Variants in TTC39C observed in about 807,000 individuals in gnomAD.
TTC39C encodes the protein tetratricopeptide repeat domain 39C.
In TTC39C, 33 loss-of-function variants were observed where a neutral mutation model predicts 76.3. That is an observed-to-expected ratio of 0.43 (90% CI 0.33 to 0.58). The LOEUF (loss-of-function observed/expected upper bound fraction) is 0.58, where lower values mean the gene tolerates loss of function less well. Ranked by LOEUF, TTC39C falls within the 20% of genes least tolerant of loss-of-function variation. The pLI, the probability that TTC39C is intolerant of heterozygous loss-of-function variation, is 0.04. For missense variants in TTC39C, 595 were observed against 701.4 expected, an observed-to-expected ratio of 0.85 and a Z score of 1.71; for synonymous variants, 254 against 260.6, an observed-to-expected ratio of 0.97 and a Z score of 0.24.
intron 1 of TTC39C, among the ~76,000 whole-genome samples, chr18:24,049,529 C>T (rs2083923567): frequency 6.6e-6 from 1 of 152,212 alleles, no homozygotes; most frequent in African/African-American, 2.4e-5. Flanking sequence ...GGGTGCTGAA[C>T]CCTGTGCTGG....
chr18:24,134,255 C>CTTTTTTTTTTT lies in TTC39C; in HGVS notation c.*1682_*1683insTTTTTTTTTTT, dbSNP rs1568450608. 2 of 46,708 alleles carry CTTTTTTTTTTT rather than the reference C, an allele frequency of 4.3e-5. No homozygotes were observed. The highest frequency in any genetic ancestry group is 1.7e-4 in the African/African-American group (2 of 12,012). The allele number at this position is 46,708 out of a possible 1,614,324, so 2.9% of individuals were successfully genotyped here. On this transcript the variant is annotated 3_prime_UTR_variant, in exon 14 of 14. Transcript: ENST00000317571. ...ATTGGTGCCCAAAAATATTGGACAT[C>CTTTTTTTTTTT]TGTTTTTTGTTTTTTTTTTTTTTTT...
intron 6 of TTC39C, among the ~76,000 whole-genome samples, chr18:24,084,818 T>C (rs901642102): frequency 2.8e-4 from 42 of 152,190 alleles, no homozygotes; most frequent in African/African-American, 9.6e-4. Flanking sequence ...TGCGACACCA[T>C]GCCTGGCTAA....
At chr18:24,116,112 G>GAC (rs2084888262) in intron 7 of TTC39C, among the ~76,000 whole-genome samples, 5 of 152,120 alleles carry the variant, frequency 3.3e-5, no homozygotes, top group Non-Finnish European at 5.9e-5. Flanking sequence ...TTATTCCTGA[G>GAC]TTATTCCTGA....
intron 9 of TTC39C, 145 bp from the exon 10 acceptor site, chr18:24,125,282 A>T: frequency 9.2e-7 from 1 of 1,082,750 alleles, no homozygotes; most frequent in Non-Finnish European, 1.3e-6. Flanking sequence ...CATTTTTTAT[A>T]GAGAGAAGAA....
intron 4 of TTC39C, among the ~76,000 whole-genome samples, chr18:24,076,555 G>T (rs759057168): frequency 3.9e-5 from 6 of 151,980 alleles, no homozygotes; most frequent in East Asian, 3.9e-4. Context: ...CTCCTGCTTG[G>T]CCTGGCTGTG....
At chr18:24,081,767 A>T (rs1250991578) in intron 5 of TTC39C, among the ~76,000 whole-genome samples, 1 of 152,182 alleles carries the variant, frequency 6.6e-6, no homozygotes, top group African/African-American at 2.4e-5. Context: ...TAAAAAAATT[A>T]TGCCTCCCTA....
At chr18:24,072,209 C>T (rs751290164) in intron 4 of TTC39C, among the ~76,000 whole-genome samples, 4 of 150,226 alleles carry the variant, frequency 2.7e-5, no homozygotes, top group African/African-American at 4.9e-5. Context: ...ACCCTTGGAG[C>T]GGGGCAGCAC....
At chr18:24,033,670 A>G (rs116573816) in intron 1 of TTC39C, among the ~76,000 whole-genome samples, 23 of 152,270 alleles carry the variant, frequency 1.5e-4, no homozygotes, top group African/African-American at 5.1e-4. Flanking sequence ...ACACAGTTCA[A>G]TTTTCAGTTA....
chr18:24,072,153 A>C (rs763420273), intron 4 of TTC39C, among the ~76,000 whole-genome samples: 7 of 152,010 alleles, frequency 4.6e-5, no homozygotes, highest in Non-Finnish European at 1.0e-4. Flanking sequence ...GAAAAAAAAA[A>C]AACAAAGCTC....
Position 24,081,080 on chromosome 18 carries a change from C to G in TTC39C, c.815+141C>G, listed in dbSNP as rs376482895. On this transcript the variant is annotated intron_variant, in intron 5 of 13. Transcript: ENST00000317571. Reference sequence around the variant, plus strand: ...CTGTGTCTTATGTCTTTCAATGCAACACCAAGGACTGTGTTCTGTGGTCGT... The same window carrying G: ...CTGTGTCTTATGTCTTTCAATGCAAGACCAAGGACTGTGTTCTGTGGTCGT... 4 of 733,300 alleles carry G rather than the reference C, an allele frequency of 5.5e-6. No homozygotes were observed. In the African/African-American group the frequency reaches 7.1e-5, roughly 13 times the overall value. 45.4% of individuals were successfully genotyped at this position (733,300 alleles called of 1,614,324 possible). A position where few individuals can be genotyped will look rare whatever the true frequency, so the allele number is the denominator to read the frequency against.
intron 4 of TTC39C, among the ~76,000 whole-genome samples, chr18:24,075,905 C>G (rs1383103874): frequency 6.6e-6 from 1 of 152,102 alleles, no homozygotes; most frequent in Non-Finnish European, 1.5e-5. Flanking sequence ...CAGCTCTTGC[C>G]CTTTCCCAGG....
intron 6 of TTC39C, among the ~76,000 whole-genome samples, chr18:24,093,741 G>A (rs2084556781): frequency 6.6e-6 from 1 of 152,180 alleles, no homozygotes; most frequent in Non-Finnish European, 1.5e-5. Context: ...TGTTAAGTGT[G>A]CAGTAGCATT....
intron 1 of TTC39C, among the ~76,000 whole-genome samples, chr18:24,057,806 G>A (rs1362717816): frequency 6.6e-6 from 1 of 152,160 alleles, no homozygotes; most frequent in Admixed American, 6.5e-5. Context: ...GTAATCCCAT[G>A]ATTGGGTATA....
At chr18:24,004,431 T>A (rs2083336346) in intron 1 of TTC39C, among the ~76,000 whole-genome samples, 1 of 152,178 alleles carries the variant, frequency 6.6e-6, no homozygotes, top group Non-Finnish European at 1.5e-5. Context: ...CACAGCCAAA[T>A]GTTCTGAGTC....
chr18:24,029,631 T>C (rs996768161), intron 1 of TTC39C, among the ~76,000 whole-genome samples: 3 of 152,216 alleles, frequency 2.0e-5, no homozygotes, highest in East Asian at 1.9e-4. Context: ...CTGTACTTAA[T>C]GTGTGGTCTT....
At chr18:24,012,190 C>T (rs908325129), upstream of TTC39C, among the ~76,000 whole-genome samples, 14 of 150,580 alleles carry the variant, frequency 9.3e-5, no homozygotes, top group Admixed American at 2.7e-4. Flanking sequence ...TCCCTCACCA[C>T]GGGCAAATAT....
intron 6 of TTC39C, among the ~76,000 whole-genome samples, chr18:24,104,714 GTGTGTGTGACTGTGCA>G (rs2084724955): frequency 6.6e-6 from 1 of 151,232 alleles, no homozygotes; most frequent in Admixed American, 6.6e-5. Context: ...GTGTGTGTGT[GTGTGTGTGACTGTGCA>G]TGTGTGTGTG....
At chr18:24,093,196 T>G (rs1267288783) in intron 6 of TTC39C, among the ~76,000 whole-genome samples, 7 of 152,176 alleles carry the variant, frequency 4.6e-5, no homozygotes, top group Non-Finnish European at 1.0e-4. Flanking sequence ...TATAAAAGTA[T>G]TGGCCGGGTG....
intron 1 of TTC39C, 93 bp downstream of exon 1, chr18:24,015,131 C>T: frequency 8.2e-7 from 1 of 1,220,220 alleles, no homozygotes; most frequent in Non-Finnish European, 1.1e-6. Flanking sequence ...AGCCCCCTCC[C>T]CCTCCTGTCG....
Sources: gnomAD v4.1 joint callset for allele counts (sites outside exome capture counted in the v4.1 genomes callset) on GRCh38, gnomAD v4.1.1 for gene constraint, MANE v1.5 for transcripts, NCBI Gene and HGNC (gene_info 2026-07-23, HGNC 2026-07-21) for gene names.